ARHGAP15: variants seen among roughly 807,000 people sequenced by gnomAD.
ARHGAP15 encodes rho GTPase-activating protein 15.
Under a neutral mutation model 63.7 loss-of-function variants are expected in ARHGAP15, and 51 were observed. The observed-to-expected ratio is 0.80, with a 90% CI of 0.64 to 1.01. The LOEUF is 1.01. Among genes scored for constraint, ARHGAP15 ranks in the 50% least tolerant of loss-of-function variants. The probability of loss-of-function intolerance (pLI) is 0.00; values close to 1 mark genes in which losing one functional copy is unlikely to be tolerated. For synonymous variants in ARHGAP15, 191 were observed against 193.8 expected (o/e 0.99, Z 0.12); for missense variants, 560 against 564.6 (o/e 0.99, Z 0.08).
At position 143,483,340 on chromosome 2, in the gene ARHGAP15, G is replaced by A. The variant is rs35991187; in HGVS notation, c.704-4033G>A. On this transcript the variant is annotated intron_variant, in intron 8 of 13. Transcript: ENST00000295095. ...ATGTGTGTATATTTTAATTTGCAAA[G>A]TACTTTCTAATGGCATCGTTTTTAC... 1.5e-3 allele frequency among the ~76,000 whole-genome samples: 224 copies of A among 152,132 alleles called. 1 individual carries two copies. Among genetic ancestry groups the A allele is most frequent in the Middle Eastern group, 6.8e-3 (2 of 294 alleles).
At chr2:143,661,239 A>C (rs73961825) in intron 12 of ARHGAP15, among the ~76,000 whole-genome samples, 2,061 of 152,306 alleles carry the variant, frequency 0.014, 43 homozygotes, top group African/African-American at 0.046. Context: ...ACTTGATCAC[A>C]CTTGCAAAGT....
chr2:143,311,781 A>T (rs933481515), intron 6 of ARHGAP15, among the ~76,000 whole-genome samples: 1 of 152,138 alleles, frequency 6.6e-6, no homozygotes, highest in Non-Finnish European at 1.5e-5. Flanking sequence ...TTCTTCTCCC[A>T]TGGATCTGCC....
chr2:143,490,855 T>C (rs1233099935), intron 9 of ARHGAP15, among the ~76,000 whole-genome samples: 1 of 152,158 alleles, frequency 6.6e-6, no homozygotes, highest in Non-Finnish European at 1.5e-5. Context: ...CTTGAACTCC[T>C]GGCCTCAAAT....
At chr2:143,610,895 A>AT (rs1559079808) in intron 11 of ARHGAP15, among the ~76,000 whole-genome samples, 1 of 151,874 alleles carries the variant, frequency 6.6e-6, no homozygotes, top group Non-Finnish European at 1.5e-5. Context: ...TGTCCGGCTA[A>AT]TTTTTGTATT....
chr2:143,201,449 C>G (rs1692113730), intron 2 of ARHGAP15, among the ~76,000 whole-genome samples: 1 of 151,934 alleles, frequency 6.6e-6, no homozygotes, highest in Non-Finnish European at 1.5e-5. Context: ...GTATAATAAT[C>G]AAATCAGGGT....
chr2:143,320,911 T>C (rs1288241340), intron 6 of ARHGAP15, among the ~76,000 whole-genome samples: 1 of 152,136 alleles, frequency 6.6e-6, no homozygotes, highest in Admixed American at 6.5e-5. Context: ...ATGTACCTGG[T>C]GAGACTAGAT....
chr2:143,565,487 T>C (rs973633339), intron 11 of ARHGAP15, among the ~76,000 whole-genome samples: 23 of 152,296 alleles, frequency 1.5e-4, no homozygotes, highest in African/African-American at 5.3e-4. Context: ...ATGAACATCT[T>C]ATACAAACCA....
chr2:143,462,604 G>A (rs34587631), intron 8 of ARHGAP15, among the ~76,000 whole-genome samples: 29,163 of 152,138 alleles, frequency 0.19, 3,397 homozygotes, highest in East Asian at 0.47. Flanking sequence ...TCACATATGA[G>A]GGAATGCTAA....
chr2:143,537,445 T>C (rs1434838147), intron 10 of ARHGAP15, among the ~76,000 whole-genome samples: 2 of 152,230 alleles, frequency 1.3e-5, no homozygotes, highest in Non-Finnish European at 2.9e-5. Flanking sequence ...AGACATGAAG[T>C]CCTTGCCCAT....
At chr2:143,175,862 C>T (rs779428633) in intron 2 of ARHGAP15, among the ~76,000 whole-genome samples, 26 of 151,954 alleles carry the variant, frequency 1.7e-4, no homozygotes, top group Admixed American at 2.0e-4. Flanking sequence ...GAGTCAAATC[C>T]ATGTCAGAGA....
chr2:143,539,204 T>C (rs1694923671), intron 10 of ARHGAP15, among the ~76,000 whole-genome samples: 2 of 152,232 alleles, frequency 1.3e-5, no homozygotes, highest in Non-Finnish European at 2.9e-5. Flanking sequence ...TAGTTTGTGT[T>C]TCTGTTGGAT....
intron 12 of ARHGAP15, among the ~76,000 whole-genome samples, chr2:143,630,914 G>A (rs1490597788): frequency 6.6e-6 from 1 of 151,882 alleles, no homozygotes; most frequent in Non-Finnish European, 1.5e-5. Flanking sequence ...CCACAACCAG[G>A]AAAAAGAACA....
chr2:143,250,749 T>C (rs1040498859), intron 6 of ARHGAP15, 149 bp downstream of exon 6: 1 of 627,062 alleles, frequency 1.6e-6, no homozygotes, highest in Non-Finnish European at 2.7e-6. Flanking sequence ...TCTTCCCAGT[T>C]GAATCTTTGG....
chr2:143,378,798 T>G (rs1304856860), intron 6 of ARHGAP15, among the ~76,000 whole-genome samples: 1 of 152,002 alleles, frequency 6.6e-6, no homozygotes, highest in Non-Finnish European at 1.5e-5. Context: ...AGATTTGAAT[T>G]ATATCCACAA....
rs746195586 is a variant in ARHGAP15 at position 143,155,604 on chromosome 2, C to T, written c.114C>T (p.Leu38=). 14 of 1,607,048 alleles carry T rather than the reference C, an allele frequency of 8.7e-6. No individual in the cohort carries two copies. The South Asian group carries it at 1.4e-4, about 17-fold the overall frequency. The change falls in exon 2 of 14, where the codon CTC becomes CTT. Residue 38 remains leucine (L), a synonymous_variant. Coordinates refer to ENST00000295095, the MANE Select transcript of ARHGAP15 (RefSeq NM_018460.4). ...ATGCCAACAGCCACCATGACAGGCT[C>T]AGCCAAAGTAAATCCATGATCCTCA... The part of the protein sequence containing the change: ...IKNANSHHDR[L]SQSKSMILTD...
intron 10 of ARHGAP15, among the ~76,000 whole-genome samples, chr2:143,551,383 G>C (rs1695554396): frequency 6.6e-6 from 1 of 152,074 alleles, no homozygotes; most frequent in South Asian, 2.1e-4. Context: ...TTGGATTCCT[G>C]GGCTCAAGTG....
intron 2 of ARHGAP15, among the ~76,000 whole-genome samples, chr2:143,179,262 G>A (rs977895167): frequency 1.3e-5 from 2 of 152,148 alleles, no homozygotes; most frequent in African/African-American, 2.4e-5. Context: ...ATATTTGCCT[G>A]TCTCTGTTTT....
intron 6 of ARHGAP15, among the ~76,000 whole-genome samples, chr2:143,278,868 CTTTT>C (rs965265275): frequency 2.2e-5 from 3 of 135,336 alleles, no homozygotes; most frequent in African/African-American, 2.7e-5. Context: ...TTCTTTCTTT[CTTTT>C]TTTTTTTTTT....
intron 4 of ARHGAP15, among the ~76,000 whole-genome samples, chr2:143,220,592 T>C (rs1388383258): frequency 6.6e-6 from 1 of 152,232 alleles, no homozygotes; most frequent in Non-Finnish European, 1.5e-5. Context: ...AATCTTAGTA[T>C]GCACTGCCAT....
Sources: allele counts gnomAD v4.1 joint callset (sites outside exome capture counted in the v4.1 genomes callset), GRCh38; gene constraint gnomAD v4.1.1; transcripts MANE v1.5; gene names NCBI Gene and HGNC (gene_info 2026-07-23, HGNC 2026-07-21).